ABCA13: variants seen among roughly 807,000 people sequenced by gnomAD.
ABCA13 encodes ATP binding cassette subfamily A member 13, also known as ATP-binding cassette sub-family A member 13.
In ABCA13, 476 loss-of-function variants were observed where a neutral mutation model predicts 478.7. That is an observed-to-expected ratio of 0.99 (90% CI 0.92 to 1.07). The LOEUF (loss-of-function observed/expected upper bound fraction) is 1.07, where lower values mean the gene tolerates loss of function less well. ABCA13 is among the 50% of genes least tolerant of loss of function. The pLI is 0.00. For missense variants in ABCA13, 6,060 were observed against 5,910.6 expected (o/e 1.03, Z -0.83); for synonymous variants, 2,252 against 2,158.9 (o/e 1.04, Z -1.20).
chr7:48,438,731 C>T (rs1823180010), intron 42 of ABCA13, among the ~76,000 whole-genome samples: 1 of 151,812 alleles, frequency 6.6e-6, no homozygotes, highest in Non-Finnish European at 1.5e-5. Context: ...CATTTTATCG[C>T]TCTCCTCTCT....
In ABCA13 at chr7:48,278,642, C is replaced by T; in HGVS notation, c.7448C>T (p.Ser2483Leu). The change falls in exon 18 of 62, where the codon TCA becomes TTA. Residue 2483 changes from serine to leucine, a missense_variant. Coordinates refer to ENST00000435803, the MANE Select transcript of ABCA13 (RefSeq NM_152701.5). ...ACTAAGAGATTAGTTGGTGCTATTTCAAGAGCAAGTGAAGAAAGTCACGTC... is the reference window on the plus strand; with the variant it reads ...ACTAAGAGATTAGTTGGTGCTATTTTAAGAGCAAGTGAAGAAAGTCACGTC... ...EITKRLVGAI[S>L]RASEESHVLK... The T allele has an allele frequency of 6.2e-7, 1 of 1,613,550 alleles. No homozygotes were observed. The highest frequency in any genetic ancestry group is 8.5e-7 in the Non-Finnish European group (1 of 1,179,484).
At chr7:48,643,050 C>T (rs1390349853) in intron 59 of ABCA13, among the ~76,000 whole-genome samples, 1 of 152,050 alleles carries the variant, frequency 6.6e-6, no homozygotes, top group Non-Finnish European at 1.5e-5. Flanking sequence ...GGTGTTGATT[C>T]TGGGACTTGC....
At chr7:48,195,867 T>A (rs1797858452) in intron 2 of ABCA13, among the ~76,000 whole-genome samples, 1 of 151,864 alleles carries the variant, frequency 6.6e-6, no homozygotes, top group Admixed American at 6.6e-5. Flanking sequence ...TGTTGCTGCA[T>A]GAGTAGATAA....
intron 48 of ABCA13, among the ~76,000 whole-genome samples, chr7:48,491,399 T>A (rs1585569144): frequency 6.6e-6 from 1 of 152,122 alleles, no homozygotes. Context: ...GGTAAGAAGA[T>A]CTTGGCACAG....
chr7:48,354,019 G>A (rs1225172395), intron 31 of ABCA13, among the ~76,000 whole-genome samples: 2 of 152,040 alleles, frequency 1.3e-5, no homozygotes, highest in East Asian at 1.9e-4. Context: ...AGCAGCAGGA[G>A]CAGAACCGAA....
At chr7:48,401,938 C>A (rs1409831709) in intron 38 of ABCA13, among the ~76,000 whole-genome samples, 2 of 152,190 alleles carry the variant, frequency 1.3e-5, no homozygotes, top group African/African-American at 4.8e-5. Flanking sequence ...GAGCAGGCCC[C>A]AGCTTCTTTG....
In ABCA13 at chr7:48,466,912, C is replaced by T. The variant is rs749279985; in HGVS notation, c.12816-44C>T. The T allele has an allele frequency of 8.1e-6, 13 of 1,595,178 alleles. No individual in the cohort carries two copies. The East Asian group carries it at 2.7e-4, about 33-fold the overall frequency. ...GTTCTCCATTCTCTGTTGGGAGCCA[C>T]TAATAATCCCACTTTGTTTCCTTTG... On this transcript the variant is annotated intron_variant, in intron 43 of 61. Coordinates refer to ENST00000435803, the MANE Select transcript of ABCA13 (RefSeq NM_152701.5).
At position 48,586,873 on chromosome 7, in the gene ABCA13, C is replaced by A. The variant is rs1585892110; in HGVS notation, c.14506-281C>A. Reference sequence around the variant, plus strand: ...CTCAACATGCTTATTTATCTGGACCCCCAACCTTGAGTGTGTTTCTTGCCC... The same window carrying A: ...CTCAACATGCTTATTTATCTGGACCACCAACCTTGAGTGTGTTTCTTGCCC... On this transcript the variant is annotated intron_variant, in intron 56 of 61. Coordinates refer to ENST00000435803, the MANE Select transcript of ABCA13 (RefSeq NM_152701.5). Among the ~76,000 whole-genome samples the A allele has an allele frequency of 2.0e-5, 3 of 152,230 alleles. No individual in the cohort carries two copies. The South Asian group carries it at 6.2e-4, about 32-fold the overall frequency.
At chr7:48,295,944 T>G (rs1799302255) in intron 21 of ABCA13, 81 bp downstream of exon 21, 1 of 1,474,288 alleles carries the variant, frequency 6.8e-7, no homozygotes, top group African/African-American at 1.4e-5. Flanking sequence ...AAATGTGAAT[T>G]TCAGACAGTG....
At chr7:48,245,379 G>T (rs1473369010) in intron 11 of ABCA13, 133 bp from the exon 12 acceptor site, 2 of 615,592 alleles carry the variant, frequency 3.2e-6, no homozygotes, top group Non-Finnish European at 5.5e-6. Flanking sequence ...AGGAAGAGAA[G>T]AAAATGTATA....
intron 28 of ABCA13, among the ~76,000 whole-genome samples, chr7:48,336,479 C>T (rs1279598386): frequency 6.6e-6 from 1 of 152,106 alleles, no homozygotes; most frequent in Non-Finnish European, 1.5e-5. Context: ...GGGAGAGGGT[C>T]GGGTGGAAGC....
At chr7:48,594,419 T>A (rs1003252816) in intron 57 of ABCA13, among the ~76,000 whole-genome samples, 5 of 152,120 alleles carry the variant, frequency 3.3e-5, no homozygotes, top group African/African-American at 7.2e-5. Context: ...TTCTTTTTTT[T>A]TATAATTTTG....
chr7:48,334,732 T>C (rs1018999155), intron 27 of ABCA13, among the ~76,000 whole-genome samples: 8 of 152,268 alleles, frequency 5.3e-5, no homozygotes, highest in Non-Finnish European at 1.0e-4. Flanking sequence ...ATTGTGAGGG[T>C]CTCCTAGTGA....
chr7:48,432,175 A>G (rs1585296725), intron 42 of ABCA13, among the ~76,000 whole-genome samples: 1 of 152,308 alleles, frequency 6.6e-6, no homozygotes, highest in East Asian at 1.9e-4. Flanking sequence ...ATAGATAGAC[A>G]TTTCTCAAAG....
intron 59 of ABCA13, among the ~76,000 whole-genome samples, chr7:48,623,928 T>G (rs1236504675): frequency 6.6e-6 from 1 of 152,108 alleles, no homozygotes; most frequent in African/African-American, 2.4e-5. Context: ...TTTCCTCCAT[T>G]GAGGGTAGGT....
intron 23 of ABCA13, among the ~76,000 whole-genome samples, chr7:48,307,792 T>A (rs1801135889): frequency 6.6e-6 from 1 of 152,132 alleles, no homozygotes; most frequent in African/African-American, 2.4e-5. Context: ...GCAATTCCCC[T>A]GCCTCAGTCT....
At chr7:48,226,082 A>G (rs989435315) in intron 5 of ABCA13, among the ~76,000 whole-genome samples, 1 of 152,120 alleles carries the variant, frequency 6.6e-6, no homozygotes, top group Non-Finnish European at 1.5e-5. Context: ...GAACTGTAGA[A>G]AAGGAGTGGG....
intron 1 of ABCA13, among the ~76,000 whole-genome samples, chr7:48,172,364 T>C (rs892136351): frequency 2.6e-5 from 4 of 152,242 alleles, no homozygotes; most frequent in African/African-American, 9.6e-5. Flanking sequence ...GTAATTGACA[T>C]TGAATTACAT....
chr7:48,559,549 A>T (rs574226219), intron 55 of ABCA13, among the ~76,000 whole-genome samples: 40 of 152,080 alleles, frequency 2.6e-4, no homozygotes, highest in Non-Finnish European at 4.9e-4. Context: ...CTGGTACATA[A>T]GATTCAAGAC....
Sources: allele counts gnomAD v4.1 joint callset (sites outside exome capture counted in the v4.1 genomes callset), GRCh38; gene constraint gnomAD v4.1.1; transcripts MANE v1.5; gene names NCBI Gene and HGNC (gene_info 2026-07-23, HGNC 2026-07-21).